CCAR1: variants seen among roughly 807,000 people sequenced by gnomAD.
CCAR1 encodes cell division cycle and apoptosis regulator 1.
In CCAR1, 78 loss-of-function variants were observed where a neutral mutation model predicts 163.8. The observed-to-expected ratio is 0.48, with a 90% CI of 0.40 to 0.57. The LOEUF (loss-of-function observed/expected upper bound fraction) is 0.57, where lower values mean the gene tolerates loss of function less well. Among genes scored for constraint, CCAR1 ranks in the 20% least tolerant of loss-of-function variants. The pLI, the probability that CCAR1 is intolerant of heterozygous loss-of-function variation, is 0.00. For synonymous variants in CCAR1, 443 were observed against 460.7 expected (o/e 0.96, Z 0.49); for missense variants, 1,019 against 1,365.2 (o/e 0.75, Z 4.00).
intron 19 of CCAR1, among the ~76,000 whole-genome samples, chr10:68,778,545 A>G (rs1299226370): frequency 2.1e-5 from 3 of 141,948 alleles, no homozygotes; most frequent in African/African-American, 5.3e-5. Flanking sequence ...TTTTTTTTCC[A>G]TAGAATTTAT....
intron 8 of CCAR1, 57 bp downstream of exon 8, chr10:68,747,623 C>T (rs894543745): frequency 2.0e-6 from 3 of 1,466,490 alleles, no homozygotes; most frequent in Admixed American, 2.0e-5. Flanking sequence ...GATAATGTAA[C>T]TATGCTTTTA....
At chr10:68,737,924 T>TA in intron 4 of CCAR1, 35 bp downstream of exon 4, 1 of 1,385,076 alleles carries the variant, frequency 7.2e-7, no homozygotes, top group Non-Finnish European at 1.0e-6. Flanking sequence ...AAACTGATTT[T>TA]AAAATAGCCA....
chr10:68,742,705 T>G, intron 6 of CCAR1, 136 bp downstream of exon 6: 1 of 702,272 alleles, frequency 1.4e-6, no homozygotes, highest in Non-Finnish European at 2.5e-6. Flanking sequence ...AGCCTCTGCC[T>G]CCTGGGTTCA....
At chr10:68,786,089 G>C (rs1241799465) in intron 19 of CCAR1, 47 bp from the exon 20 acceptor site, 1 of 1,270,970 alleles carries the variant, frequency 7.9e-7, no homozygotes, top group African/African-American at 1.5e-5. Flanking sequence ...CCACTTGAAA[G>C]TATGTGTATT....
At chr10:68,767,189 A>T (rs1170412527) in intron 17 of CCAR1, among the ~76,000 whole-genome samples, 1 of 152,204 alleles carries the variant, frequency 6.6e-6, no homozygotes, top group Non-Finnish European at 1.5e-5. Flanking sequence ...AAGAGATAAA[A>T]AATTTAACTT....
intron 6 of CCAR1, among the ~76,000 whole-genome samples, chr10:68,744,202 G>T (rs1404479323): frequency 6.6e-6 from 1 of 152,150 alleles, no homozygotes; most frequent in Non-Finnish European, 1.5e-5. Flanking sequence ...CTATAATTTT[G>T]TATTTTTTCC....
Position 68,749,270 on chromosome 10 carries a change from A to AT in CCAR1, c.956+9dup. ...TAACAGAAAAGATGATCGAAGGTAT[A>AT]TTTTCTAAAGTGTACTGTGGATGGT... On this transcript the variant is annotated splice_donor_region_variant and intron_variant, in intron 9 of 24. Transcript: ENST00000265872. 1 of 1,606,796 alleles carries AT rather than the reference A, an allele frequency of 6.2e-7. No homozygotes were observed. The highest frequency in any genetic ancestry group is 8.5e-7 in the Non-Finnish European group (1 of 1,177,616).
intron 2 of CCAR1, among the ~76,000 whole-genome samples, chr10:68,728,791 C>T (rs1046398638): frequency 6.6e-6 from 1 of 152,024 alleles, no homozygotes; most frequent in Non-Finnish European, 1.5e-5. Flanking sequence ...CCTGCCTCTA[C>T]TAAAAATACA....
At chr10:68,789,945 T>A (rs2133442719) in intron 24 of CCAR1, 30 bp downstream of exon 24, 1 of 1,407,520 alleles carries the variant, frequency 7.1e-7, no homozygotes, top group Admixed American at 2.4e-5. Context: ...TAACATTTTC[T>A]TAGTTTTAAA....
At chr10:68,777,490 C>T (rs1361684890) in intron 19 of CCAR1, among the ~76,000 whole-genome samples, 1 of 152,050 alleles carries the variant, frequency 6.6e-6, no homozygotes, top group Non-Finnish European at 1.5e-5. Context: ...CCAGACTAGG[C>T]TGGCCAATAT....
chr10:68,778,758 T>G (rs2056698365), intron 19 of CCAR1, among the ~76,000 whole-genome samples: 1 of 152,220 alleles, frequency 6.6e-6, no homozygotes, highest in Non-Finnish European at 1.5e-5. Context: ...TTTGTTTGTT[T>G]CCCTGGAGTT....
chr10:68,739,778 AC>A (rs1170428359), intron 4 of CCAR1, among the ~76,000 whole-genome samples: 5 of 152,270 alleles, frequency 3.3e-5, no homozygotes, highest in African/African-American at 9.6e-5. Flanking sequence ...GCACTACTCA[AC>A]TGTTCTTAAC....
intron 16 of CCAR1, among the ~76,000 whole-genome samples, chr10:68,761,597 GC>G (rs1454719036): frequency 6.6e-6 from 1 of 151,848 alleles, no homozygotes; most frequent in Admixed American, 6.6e-5. Context: ...GAGCCACCGT[GC>G]CCAGCTATTT....
chr10:68,766,186 G>GT lies in CCAR1; in HGVS notation c.2298+115dup, dbSNP rs138575452. ...TTTTCTTTGTTTTTCGCTTTTCGTG[G>GT]TTTTTTTTGTTTTGTTTTGTTTTTG... On this transcript the variant is annotated intron_variant, in intron 17 of 24. Coordinates refer to ENST00000265872, the MANE Select transcript of CCAR1 (RefSeq NM_018237.4). The GT allele has an allele frequency of 0.011, 7,791 of 716,734 alleles. 463 individuals are homozygous for GT. In the African/African-American group the frequency reaches 0.13, roughly 12 times the overall value. 44.4% of individuals were successfully genotyped at this position (716,734 alleles called of 1,614,324 possible).
rs1315074868 is a variant in CCAR1, at chr10:68,753,868, A to T, written c.1135A>T (p.Met379Leu). The change falls in exon 11 of 25, where the codon ATG becomes TTG. Residue 379 changes from methionine to leucine, a missense_variant. By Grantham distance (15) the Met-to-Leu change is conservative. This residue lies in a region of CCAR1 where 644 missense variants were observed against 904.4 expected (regional missense o/e 0.71). Coordinates refer to ENST00000265872, the MANE Select transcript of CCAR1 (RefSeq NM_018237.4). The stretch of plus-strand genomic sequence containing the variant: ...GTTTTTCAGTCCCAGTTGTGACATG[A>T]TGGAACTAAGGCGCCGTTATCAAAA... ...FSLDCPSCDM[M>L]ELRRRYQNLY... The T allele has an allele frequency of 6.2e-7, 1 of 1,613,314 alleles. No individual in the cohort carries two copies. Among genetic ancestry groups the T allele is most frequent in the Non-Finnish European group, 8.5e-7 (1 of 1,179,442 alleles).
chr10:68,780,698 G>T (rs887999942), intron 19 of CCAR1, among the ~76,000 whole-genome samples: 1 of 151,950 alleles, frequency 6.6e-6, no homozygotes, highest in African/African-American at 2.4e-5. Context: ...TTCACATTTT[G>T]GTAATTCTTA....
chr10:68,726,300 T>C (rs1487070243), intron 2 of CCAR1, among the ~76,000 whole-genome samples: 8 of 151,970 alleles, frequency 5.3e-5, no homozygotes. Flanking sequence ...TATAGGCGTG[T>C]GGCAGCAAGC....
intron 17 of CCAR1, 94 bp from the exon 18 acceptor site, chr10:68,771,112 T>G: frequency 9.3e-7 from 1 of 1,070,622 alleles, no homozygotes; most frequent in Non-Finnish European, 1.4e-6. Flanking sequence ...TACATAATCG[T>G]TGTATGTGGC....
At chr10:68,782,949 C>T (rs2133426479) in intron 19 of CCAR1, among the ~76,000 whole-genome samples, 1 of 151,578 alleles carries the variant, frequency 6.6e-6, no homozygotes, top group African/African-American at 2.4e-5. Context: ...TGTTTCATGG[C>T]TGCAACATCT....
Sources: allele counts gnomAD v4.1 joint callset (sites outside exome capture counted in the v4.1 genomes callset), GRCh38; gene constraint gnomAD v4.1.1; regional missense constraint gnomAD v4.1.1; transcripts MANE v1.5; gene names NCBI Gene and HGNC (gene_info 2026-07-23, HGNC 2026-07-21).